HCN1: variants seen among roughly 807,000 people sequenced by gnomAD.
HCN1 encodes potassium/sodium hyperpolarization-activated cyclic nucleotide-gated channel 1.
In HCN1, 13 loss-of-function variants were observed where a neutral mutation model predicts 78.9. The observed-to-expected ratio is 0.16, with a 90% confidence interval of 0.11 to 0.26. The LOEUF (loss-of-function observed/expected upper bound fraction) is 0.26, where lower values mean the gene tolerates loss of function less well. HCN1 is among the 10% of genes least tolerant of loss of function. The probability of loss-of-function intolerance (pLI) is 1.00; values close to 1 mark genes in which losing one functional copy is unlikely to be tolerated. For synonymous variants in HCN1, 552 were observed against 455.5 expected, an observed-to-expected ratio of 1.21 and a Z score of -2.70; for missense variants, 810 against 1,154.3, an observed-to-expected ratio of 0.70 and a Z score of 4.32.
At chr5:45,672,594 T>G (rs955240100) in intron 1 of HCN1, among the ~76,000 whole-genome samples, 1 of 151,114 alleles carries the variant, frequency 6.6e-6, no homozygotes, top group Non-Finnish European at 1.5e-5. Context: ...TAAAGTAGAT[T>G]TTGCCTGAAA....
chr5:45,403,457 G>A (rs572828140), intron 3 of HCN1, among the ~76,000 whole-genome samples: 1 of 152,262 alleles, frequency 6.6e-6, no homozygotes, highest in Admixed American at 6.5e-5. Flanking sequence ...CATGGCAGAA[G>A]GGGAAGCAAA....
rs534032240 is a variant in HCN1 at position 45,336,443 on chromosome 5, G to C, written c.1377+16657C>G. ...TGACTTTACAATCACTTCCCAGAAG[G>C]CTGACAATTCCAGTGGAGCTCAGTG... On this transcript the variant is annotated intron_variant, in intron 5 of 7. Coordinates refer to ENST00000303230, the MANE Select transcript of HCN1 (RefSeq NM_021072.4). Among the ~76,000 whole-genome samples the C allele has an allele frequency of 3.7e-4, 56 of 152,154 alleles. 1 individual carries two copies. The highest frequency in any genetic ancestry group is 5.7e-4 in the Non-Finnish European group (39 of 68,002).
intron 4 of HCN1, among the ~76,000 whole-genome samples, chr5:45,372,063 TATTATATATTATATATA>T (rs1747389279): frequency 1.7e-5 from 1 of 57,738 alleles, no homozygotes; most frequent in African/African-American, 9.3e-5. Flanking sequence ...AATATAATTA[TATTATATATTATATATA>T]ATATAATTAT....
At chr5:45,688,324 A>G (rs997236246) in intron 1 of HCN1, among the ~76,000 whole-genome samples, 13 of 152,100 alleles carry the variant, frequency 8.5e-5, no homozygotes, top group African/African-American at 2.9e-4. Context: ...TATTCACAAG[A>G]ACTGAATTCC....
In HCN1 at chr5:45,548,649, T is replaced by A. The variant is rs531499624; in HGVS notation, c.850-86642A>T. Reference sequence around the variant, plus strand: ...TAGTGTTGGAAGTTCTGGCCAGGGCTATCAGGCAAGAGAAGGAAATAAAGG... The same window carrying A: ...TAGTGTTGGAAGTTCTGGCCAGGGCAATCAGGCAAGAGAAGGAAATAAAGG... On this transcript the variant is annotated intron_variant, in intron 2 of 7. Transcript: ENST00000303230. Among the ~76,000 whole-genome samples the A allele has an allele frequency of 2.3e-3, 356 of 152,012 alleles. 4 individuals carry two copies. The highest frequency in any genetic ancestry group is 0.017 in the Admixed American group (265 of 15,200).
chr5:45,496,094 A>G (rs1368915672), intron 2 of HCN1, among the ~76,000 whole-genome samples: 1 of 152,120 alleles, frequency 6.6e-6, no homozygotes, highest in Non-Finnish European at 1.5e-5. Flanking sequence ...CGGCTTTGGT[A>G]TCAGAATGAT....
intron 2 of HCN1, among the ~76,000 whole-genome samples, chr5:45,549,837 G>A (rs1010657803): frequency 2.0e-5 from 3 of 152,168 alleles, no homozygotes; most frequent in Non-Finnish European, 4.4e-5. Context: ...AGTGGGCGAA[G>A]GATACGAACA....
chr5:45,362,184 GTA>G (rs1209690456), intron 4 of HCN1, among the ~76,000 whole-genome samples: 1,670 of 149,370 alleles, frequency 0.011, 33 homozygotes, highest in African/African-American at 0.04. Context: ...GTGTGTGTGT[GTA>G]TCTATCTATG....
intron 2 of HCN1, among the ~76,000 whole-genome samples, chr5:45,583,505 T>C (rs192674864): frequency 6.6e-6 from 1 of 152,108 alleles, no homozygotes; most frequent in Admixed American, 6.6e-5. Flanking sequence ...TTTTGAAGGG[T>C]TTTTTGTGTC....
At chr5:45,353,743 A>G (rs1254796526) in intron 4 of HCN1, among the ~76,000 whole-genome samples, 1 of 152,012 alleles carries the variant, frequency 6.6e-6, no homozygotes, top group Admixed American at 6.6e-5. Flanking sequence ...TTTGCAGATC[A>G]TTCATACTTC....
rs189016788 is a variant in HCN1, at chr5:45,584,596, C to A, written c.849+60589G>T. ...TATAATGTTAGCTGGTTATTTTGCT[C>A]CTTAGTTGATGCAGTTTCTTCCTAG... is the stretch of plus-strand genomic sequence containing the variant. On this transcript the variant is annotated intron_variant, in intron 2 of 7. Transcript: ENST00000303230. 1.6e-4 allele frequency among the ~76,000 whole-genome samples: 25 copies of A among 152,226 alleles called. No homozygotes were observed. The East Asian group carries it at 4.8e-3, about 29-fold the overall frequency.
intron 1 of HCN1, among the ~76,000 whole-genome samples, chr5:45,646,367 C>CTTTTTTTTT (rs201964510): frequency 1.4e-4 from 17 of 123,492 alleles, no homozygotes; most frequent in African/African-American, 2.5e-4. Flanking sequence ...TTCTTTCTTT[C>CTTTTTTTTT]TTTTTTTTTT....
At chr5:45,315,582 G>T (rs535031537) in intron 5 of HCN1, among the ~76,000 whole-genome samples, 6 of 152,192 alleles carry the variant, frequency 3.9e-5, no homozygotes, top group East Asian at 1.9e-4. Flanking sequence ...AACTGAAGGA[G>T]ATAGAGACAC....
At chr5:45,422,742 G>C (rs897381612) in intron 3 of HCN1, among the ~76,000 whole-genome samples, 4 of 151,958 alleles carry the variant, frequency 2.6e-5, no homozygotes, top group African/African-American at 9.7e-5. Context: ...TAATACATCA[G>C]TTTAAAAAAT....
At chr5:45,631,304 T>C (rs1283990053) in intron 2 of HCN1, among the ~76,000 whole-genome samples, 1 of 152,102 alleles carries the variant, frequency 6.6e-6, no homozygotes, top group East Asian at 1.9e-4. Flanking sequence ...ATGTGACATT[T>C]TGGCCAAAAA....
At chr5:45,643,849 C>T (rs1745499457) in intron 2 of HCN1, 1 of 152,082 alleles carries the variant, frequency 6.6e-6, no homozygotes, top group African/African-American at 2.4e-5. Context: ...GTATTAATCT[C>T]AAATTAGCAT....
intron 3 of HCN1, among the ~76,000 whole-genome samples, chr5:45,449,114 C>A (rs998596956): frequency 1.3e-5 from 2 of 152,048 alleles, no homozygotes; most frequent in African/African-American, 2.4e-5. Context: ...GAAATAAAAT[C>A]GTTTTATTTA....
chr5:45,664,828 G>A (rs1283044167), intron 1 of HCN1, among the ~76,000 whole-genome samples: 2 of 151,916 alleles, frequency 1.3e-5, no homozygotes, highest in African/African-American at 4.8e-5. Context: ...TGGAGAAATA[G>A]GAACACTTTT....
chr5:45,276,076 T>TA (rs1745051041), intron 6 of HCN1, among the ~76,000 whole-genome samples: 1 of 152,040 alleles, frequency 6.6e-6, no homozygotes, highest in African/African-American at 2.4e-5. Context: ...AATATGCTTC[T>TA]AAAAAATGAA....
Sources: allele counts gnomAD v4.1 joint callset (sites outside exome capture counted in the v4.1 genomes callset), GRCh38; gene constraint gnomAD v4.1.1; transcripts MANE v1.5; gene names NCBI Gene and HGNC (gene_info 2026-07-23, HGNC 2026-07-21).